Variants in PGM1 observed in about 807,000 individuals in gnomAD.
PGM1 encodes phosphoglucomutase 1, also known as phosphoglucomutase-1.
A neutral mutation model predicts 55.6 loss-of-function variants in PGM1; 52 were observed. The observed-to-expected ratio is 0.94, with a 90% CI of 0.75 to 1.18. PGM1 has a LOEUF of 1.18. Among genes scored for constraint, PGM1 ranks in the 50% most tolerant of loss-of-function variants. PGM1 has a pLI of 0.00. For synonymous variants in PGM1, 287 were observed against 271.7 expected, an observed-to-expected ratio of 1.06 and a Z score of -0.55; for missense variants, 724 against 729.3, an observed-to-expected ratio of 0.99 and a Z score of 0.08.
intron 1 of PGM1, among the ~76,000 whole-genome samples, chr1:63,596,218 GTTTC>G (rs1328152757): frequency 1.5e-5 from 2 of 136,140 alleles, no homozygotes; most frequent in Admixed American, 7.1e-5. Flanking sequence ...TATCCCCTAG[GTTTC>G]TTTCTTCTTT....
chr1:63,629,708 T>G, intron 2 of PGM1, 121 bp downstream of exon 2: 3 of 1,043,208 alleles, frequency 2.9e-6, no homozygotes, highest in Non-Finnish European at 4.4e-6. Context: ...GGAGGTGCTC[T>G]TTGCTTCCTT....
chr1:63,654,488 T>C lies in PGM1; in HGVS notation c.1599+22T>C, dbSNP rs374188641. 4 of 1,613,046 alleles carry C rather than the reference T, an allele frequency of 2.5e-6. No homozygotes were observed. The African/African-American group carries it at 5.3e-5, about 22-fold the overall frequency. ...CCAGGTAACGCCCAGCCCTGTGCCC[T>C]GGTTAGTTCTTTCTGTTCAAGGGAA... On this transcript the variant is annotated intron_variant, in intron 10 of 10. Transcript: ENST00000371084.
chr1:63,629,848 A>C, intron 2 of PGM1, 94 bp from the exon 3 acceptor site: 1 of 1,368,516 alleles, frequency 7.3e-7, no homozygotes, highest in Non-Finnish European at 1.0e-6. Flanking sequence ...GAAATGGTAG[A>C]TGTGCTAGTG....
intron 1 of PGM1, among the ~76,000 whole-genome samples, chr1:63,596,917 C>T (rs1648089958): frequency 2.0e-5 from 3 of 152,206 alleles, no homozygotes; most frequent in Admixed American, 2.0e-4. Context: ...CTGTGAGTCA[C>T]TTTTGTATTC....
chr1:63,660,011 C>A lies in PGM1; in HGVS notation c.*336C>A. Reference sequence around the variant, plus strand: ...AGCATCAGCAGTGAGTGAGGCCATTCTTCATCCTTAGGATGTGGCAATGAA... The same window carrying A: ...AGCATCAGCAGTGAGTGAGGCCATTATTCATCCTTAGGATGTGGCAATGAA... On this transcript the variant is annotated 3_prime_UTR_variant, in exon 11 of 11. Coordinates refer to ENST00000371084, the MANE Select transcript of PGM1 (RefSeq NM_002633.3). 1 of 408,846 alleles carries A rather than the reference C, an allele frequency of 2.4e-6. No individual in the cohort carries two copies. Among genetic ancestry groups the A allele is most frequent in the East Asian group, 5.0e-5 (1 of 20,182 alleles). 25.3% of individuals were successfully genotyped at this position (408,846 alleles called of 1,614,324 possible).
chr1:63,618,573 T>C (rs942294163), intron 1 of PGM1, among the ~76,000 whole-genome samples: 3 of 152,238 alleles, frequency 2.0e-5, no homozygotes, highest in Non-Finnish European at 4.4e-5. Context: ...CATTTTATTA[T>C]TTGTATCCTA....
intron 1 of PGM1, among the ~76,000 whole-genome samples, chr1:63,602,701 G>A (rs1052583811): frequency 3.9e-5 from 6 of 152,114 alleles, no homozygotes; most frequent in African/African-American, 1.2e-4. Context: ...AGCCATTTGG[G>A]GGCTAAACCG....
chr1:63,637,172 T>C lies in PGM1; in HGVS notation c.1028+784T>C, dbSNP rs913959218. On this transcript the variant is annotated intron_variant, in intron 6 of 10. Transcript: ENST00000371084. ...GCTGTAATATATCTCTAGGCTCTTA[T>C]AATAATAGCTGATATTTATTGAACA... Among the ~76,000 whole-genome samples, 5 of 152,356 alleles carry C rather than the reference T, an allele frequency of 3.3e-5. No individual in the cohort carries two copies. The East Asian group carries it at 9.6e-4, about 29-fold the overall frequency.
At position 63,600,475 on chromosome 1, in the gene PGM1, G is replaced by C. The variant is rs547234092; in HGVS notation, c.246+6741G>C. 3.3e-5 allele frequency among the ~76,000 whole-genome samples: 5 copies of C among 152,156 alleles called. No homozygotes were observed. The South Asian group carries it at 1.0e-3, about 32-fold the overall frequency. ...GCACCTATTAGGTTCTCGGTACTACGGATACAACAGTGAATTGAACAAAGT... is the reference window on the plus strand; with the variant it reads ...GCACCTATTAGGTTCTCGGTACTACCGATACAACAGTGAATTGAACAAAGT... On this transcript the variant is annotated intron_variant, in intron 1 of 10. Coordinates refer to ENST00000371084, the MANE Select transcript of PGM1 (RefSeq NM_002633.3).
intron 1 of PGM1, among the ~76,000 whole-genome samples, chr1:63,608,325 T>C (rs767952796): frequency 3.9e-5 from 6 of 152,218 alleles, no homozygotes; most frequent in Non-Finnish European, 8.8e-5. Context: ...TAAACCTGCT[T>C]TGGTGAGGCA....
chr1:63,648,488 C>G, intron 7 of PGM1, 29 bp from the exon 8 acceptor site: 1 of 1,613,878 alleles, frequency 6.2e-7, no homozygotes, highest in Non-Finnish European at 8.5e-7. Context: ...AAGCACGTTT[C>G]TTACAGCAGC....
At chr1:63,637,027 A>G (rs1284144144) in intron 6 of PGM1, among the ~76,000 whole-genome samples, 1 of 152,222 alleles carries the variant, frequency 6.6e-6, no homozygotes, top group Non-Finnish European at 1.5e-5. Context: ...TGAAAGTCAT[A>G]ACAGATGAGG....
intron 1 of PGM1, among the ~76,000 whole-genome samples, chr1:63,623,994 T>G (rs918046800): frequency 6.6e-6 from 1 of 152,240 alleles, no homozygotes; most frequent in Non-Finnish European, 1.5e-5. Context: ...TATGCTGTGT[T>G]CTGTTGCTTG....
intron 1 of PGM1, among the ~76,000 whole-genome samples, chr1:63,607,511 T>C (rs2100962883): frequency 6.6e-6 from 1 of 152,208 alleles, no homozygotes; most frequent in East Asian, 1.9e-4. Flanking sequence ...CGAGTGTGCC[T>C]GGGATGGGTG....
chr1:63,625,759 G>T (rs1648998577), intron 1 of PGM1, among the ~76,000 whole-genome samples: 1 of 151,912 alleles, frequency 6.6e-6, no homozygotes, highest in South Asian at 2.1e-4. Context: ...GCATTTATGG[G>T]TTATAAGTTT....
In PGM1 at chr1:63,638,935, A is replaced by T. The variant is rs554262700; in HGVS notation, c.1144+135A>T. 1.7e-5 allele frequency: 13 copies of T among 747,746 alleles called. 1 individual carries two copies. The highest frequency in any genetic ancestry group is 8.6e-5 in the African/African-American group (5 of 57,866). 46.3% of individuals were successfully genotyped at this position (747,746 alleles called of 1,614,324 possible). A position where few individuals can be genotyped will look rare whatever the true frequency, so the allele number is the denominator to read the frequency against. On this transcript the variant is annotated intron_variant, in intron 7 of 10. Coordinates refer to ENST00000371084, the MANE Select transcript of PGM1 (RefSeq NM_002633.3). ...AATCAAGGCACAAATTATTTATAAC[A>T]ACCCTGATGAAATGTGCACATTTGA...
chr1:63,608,487 G>C (rs1035979069), intron 1 of PGM1, among the ~76,000 whole-genome samples: 4 of 152,318 alleles, frequency 2.6e-5, no homozygotes, highest in Non-Finnish European at 5.9e-5. Context: ...TCGACTGTGT[G>C]AAATTGTCCC....
chr1:63,657,756 A>C (rs1165766165), intron 10 of PGM1, among the ~76,000 whole-genome samples: 2 of 152,168 alleles, frequency 1.3e-5, no homozygotes, highest in Non-Finnish European at 2.9e-5. Flanking sequence ...AGATGAGAGA[A>C]TGCTTCACTT....
chr1:63,593,595 C>A lies in PGM1; in HGVS notation c.107C>A (p.Ala36Glu), dbSNP rs146477640. The A allele has an allele frequency of 5.9e-5, 96 of 1,613,614 alleles. No individual in the cohort carries two copies. In the Admixed American group the frequency reaches 1.1e-3, roughly 18 times the overall value. ...VKVFQSSANY[A>E]ENFIQSIIST... The stretch of plus-strand genomic sequence containing the variant: ...GTGTTCCAGAGCAGCGCCAACTACG[C>A]GGAGAACTTCATCCAGAGTATCATC... Residue 36 changes from alanine to glutamate, a missense_variant, in exon 1 of 11, where the codon GCG becomes GAG. Ala to Glu is a moderately radical substitution (Grantham distance 107). This residue lies in a region of PGM1 where 379 missense variants were observed against 357.5 expected (regional missense o/e 1.06). Transcript: ENST00000371084.
Sources: allele counts gnomAD v4.1 joint callset (sites outside exome capture counted in the v4.1 genomes callset), GRCh38; gene constraint gnomAD v4.1.1; regional missense constraint gnomAD v4.1.1; transcripts MANE v1.5; gene names NCBI Gene and HGNC (gene_info 2026-07-23, HGNC 2026-07-21).